The following TBC1D17 variants were observed in gnomAD, a reference collection of about 807,000 sequenced individuals.
The protein encoded by TBC1D17 is TBC1 domain family, member 17.
Under a neutral mutation model 78.8 loss-of-function variants are expected in TBC1D17, and 69 were observed. The ratio of observed to expected loss-of-function variants is 0.88; its 90% CI spans 0.72 to 1.07. The LOEUF (loss-of-function observed/expected upper bound fraction) is 1.07. Ranked by LOEUF, TBC1D17 falls within the 50% of genes least tolerant of loss-of-function variation. The pLI is 0.00. For missense variants in TBC1D17, 957 were observed against 861.0 expected (o/e 1.11, Z -1.39); for synonymous variants, 456 against 358.3 (o/e 1.27, Z -3.08).
Position 49,887,795 on chromosome 19 carries a change from C to G in TBC1D17, c.1620C>G (p.Thr540=), listed in dbSNP as rs1196436427. ...ACAILDMERD[T]LMLSGFGSNE... ...CCATCCTGGACATGGAGAGGGACAC[C>G]CTCATGCTGTCCGGCTTCGGCTCCA... The change falls in exon 15 of 17, where the codon ACC becomes ACG. Residue 540 remains threonine, a synonymous_variant. Transcript: ENST00000221543. 1.2e-6 allele frequency: 2 copies of G among 1,612,390 alleles called. No homozygotes were observed. Among genetic ancestry groups the G allele is most frequent in the African/African-American group, 2.7e-5 (2 of 74,942 alleles).
intron 10 of TBC1D17, 103 bp downstream of exon 10, chr19:49,883,848 C>A: frequency 1.0e-6 from 1 of 997,882 alleles, no homozygotes; most frequent in Non-Finnish European, 1.6e-6. Flanking sequence ...CCTGCCTCCC[C>A]AAGACCAGTG....
At chr19:49,885,966 C>A (rs961140225) in intron 13 of TBC1D17, among the ~76,000 whole-genome samples, 57 of 137,634 alleles carry the variant, frequency 4.1e-4, no homozygotes, top group African/African-American at 1.3e-3. Flanking sequence ...CAGAGTGAGA[C>A]CTTGCCTCAA....
At chr19:49,879,351 G>A (rs1393629294) in intron 3 of TBC1D17, 1 of 152,332 alleles carries the variant, frequency 6.6e-6, no homozygotes, top group Non-Finnish European at 1.5e-5. Flanking sequence ...CACCCACAGA[G>A]CTAGTGACGA....
intron 4 of TBC1D17, 128 bp downstream of exon 4, chr19:49,880,530 TC>T: frequency 7.9e-7 from 1 of 1,268,664 alleles, no homozygotes; most frequent in Non-Finnish European, 1.1e-6. Flanking sequence ...CACCTTCCAG[TC>T]CCAGGAGCAT....
At chr19:49,887,443 G>T in intron 13 of TBC1D17, 33 bp from the exon 14 acceptor site, 4 of 1,603,732 alleles carry the variant, frequency 2.5e-6, no homozygotes, top group Non-Finnish European at 3.4e-6. Context: ...CCAGCGCTGG[G>T]CAAGGCTGAG....
intron 4 of TBC1D17, among the ~76,000 whole-genome samples, 194 bp from the exon 5 acceptor site, chr19:49,881,074 A>G (rs2075008350): frequency 6.6e-6 from 1 of 152,096 alleles, no homozygotes; most frequent in African/African-American, 2.4e-5. Context: ...GGTTCTGGAA[A>G]GGTACATGTC....
In TBC1D17 at chr19:49,882,044, C is replaced by A; in HGVS notation, c.531C>A (p.Ser177=). 6.2e-7 allele frequency: 1 copy of A among 1,613,614 alleles called. No homozygotes were observed. Among genetic ancestry groups the A allele is most frequent in the Non-Finnish European group, 8.5e-7 (1 of 1,179,732 alleles). ...VLSRYLLLAS[S]PQDSRLYLVF... is the part of the protein sequence containing the mutation. Reference sequence around the variant, plus strand: ...TGCGTCACCTCCCGCCTCCCAGCTCCCCGCAGGACTCCCGCCTCTACCTTG... The same window carrying A: ...TGCGTCACCTCCCGCCTCCCAGCTCACCGCAGGACTCCCGCCTCTACCTTG... The change falls in exon 6 of 17, where the codon TCC becomes TCA. Residue 177 remains serine, a synonymous_variant. Transcript: ENST00000221543.
At chr19:49,888,141 C>G in intron 15 of TBC1D17, 90 bp from the exon 16 acceptor site, 2 of 1,543,616 alleles carry the variant, frequency 1.3e-6, no homozygotes, top group East Asian at 4.9e-5. Flanking sequence ...CCCGGTGTGT[C>G]TTCATTGTTT....
chr19:49,881,591 G>C (rs902204635), intron 5 of TBC1D17, 116 bp downstream of exon 5: 1 of 1,019,260 alleles, frequency 9.8e-7, no homozygotes, highest in Non-Finnish European at 1.4e-6. Context: ...GGCAGGCAAA[G>C]AGTTGACCAG....
chr19:49,878,788 C>G (rs185074389), intron 3 of TBC1D17: 2 of 563,420 alleles, frequency 3.5e-6, no homozygotes, highest in Non-Finnish European at 6.3e-6. Context: ...ATAAGACGCA[C>G]GGTCGTGGGG....
intron 4 of TBC1D17, among the ~76,000 whole-genome samples, chr19:49,880,663 C>T (rs1401182442): frequency 6.6e-6 from 1 of 152,222 alleles, no homozygotes; most frequent in Non-Finnish European, 1.5e-5. Context: ...CACACCAGGC[C>T]TGCCCCTGAG....
intron 9 of TBC1D17, among the ~76,000 whole-genome samples, chr19:49,883,278 A>G (rs2075031992): frequency 1.3e-5 from 2 of 152,184 alleles, no homozygotes; most frequent in Non-Finnish European, 2.9e-5. Flanking sequence ...TTCCTGTGCC[A>G]TACTGTTTTA....
At chr19:49,887,906 G>A (rs754687762) in intron 15 of TBC1D17, 72 bp downstream of exon 15, 1 of 1,284,314 alleles carries the variant, frequency 7.8e-7, no homozygotes, top group Non-Finnish European at 1.1e-6. Flanking sequence ...GTACCTCCGG[G>A]GAGCAGGTGT....
At position 49,882,978 on chromosome 19, in the gene TBC1D17, G is replaced by T. The variant is rs1282448407; in HGVS notation, c.933G>T (p.Leu311=). The T allele has an allele frequency of 5.6e-6, 9 of 1,609,392 alleles. No homozygotes were observed. The highest frequency in any genetic ancestry group is 7.6e-6 in the Non-Finnish European group (9 of 1,177,742). Residue 311 remains leucine, a synonymous_variant, in exon 9 of 17, where the codon CTG becomes CTT. Transcript: ENST00000221543. The stretch of plus-strand genomic sequence containing the variant: ...CTGCCCTCCTGCACCCCCAGGGTCT[G>T]AGCCCCAGCCTGCGGCGCGAGGCCT... The part of the protein sequence containing the change: ...ELKNRIFSGG[L]SPSLRREAWK...
At position 49,888,224 on chromosome 19, in the gene TBC1D17, C is replaced by G. The variant is rs771575516; in HGVS notation, c.1660-7C>G. Reference sequence around the variant, plus strand: ...CCGACTGGCGCCTGACCCACCCCCTCCCGCAGCACATCAACGAGCTGACTA... The same window carrying G: ...CCGACTGGCGCCTGACCCACCCCCTGCCGCAGCACATCAACGAGCTGACTA... On this transcript the variant is annotated splice_region_variant and splice_polypyrimidine_tract_variant and intron_variant, in intron 15 of 16. Coordinates refer to ENST00000221543, the MANE Select transcript of TBC1D17 (RefSeq NM_024682.3). 9.5e-6 allele frequency: 15 copies of G among 1,575,524 alleles called. No homozygotes were observed. The highest frequency in any genetic ancestry group is 1.3e-5 in the Non-Finnish European group (15 of 1,161,260).
chr19:49,878,466 C>T, intron 2 of TBC1D17, 32 bp from the exon 3 acceptor site: 2 of 1,586,402 alleles, frequency 1.3e-6, no homozygotes, highest in Non-Finnish European at 1.7e-6. Flanking sequence ...GTTTGGGGAG[C>T]GCCTCTAACC....
At chr19:49,883,400 T>A (rs910598234) in intron 9 of TBC1D17, among the ~76,000 whole-genome samples, 1 of 152,196 alleles carries the variant, frequency 6.6e-6, no homozygotes, top group African/African-American at 2.4e-5. Context: ...GCTGGACGAT[T>A]CCCTGTCCCT....
intron 1 of TBC1D17, 102 bp downstream of exon 1, chr19:49,877,846 C>A: frequency 7.3e-7 from 1 of 1,378,582 alleles, no homozygotes; most frequent in Non-Finnish European, 9.9e-7. Flanking sequence ...TCCGGCACGG[C>A]CTTGGCAAAC....
chr19:49,886,004 G>A (rs1380925535), intron 13 of TBC1D17, among the ~76,000 whole-genome samples: 2 of 150,126 alleles, frequency 1.3e-5, no homozygotes, highest in Admixed American at 1.3e-4. Flanking sequence ...AAAAAGGTCG[G>A]GTGTGGTGGC....
Sources: gnomAD v4.1 joint callset for allele counts (sites outside exome capture counted in the v4.1 genomes callset) on GRCh38, gnomAD v4.1.1 for gene constraint, MANE v1.5 for transcripts, NCBI Gene and HGNC (gene_info 2026-07-23, HGNC 2026-07-21) for gene names.